The following MMS22L variants were observed in gnomAD, a reference collection of about 807,000 sequenced individuals.
MMS22L encodes the protein MMS22 like, DNA repair protein.
In MMS22L, 74 loss-of-function variants were observed where a neutral mutation model predicts 159.1. That is an observed-to-expected ratio of 0.47 (90% CI 0.39 to 0.56). The LOEUF is 0.56. MMS22L is among the 20% of genes least tolerant of loss of function. The probability of loss-of-function intolerance (pLI) is 0.00; values close to 1 mark genes in which losing one functional copy is unlikely to be tolerated. For missense variants in MMS22L, 1,351 were observed against 1,422.1 expected, an observed-to-expected ratio of 0.95 and a Z score of 0.80; for synonymous variants, 517 against 506.9, an observed-to-expected ratio of 1.02 and a Z score of -0.27.
At chr6:97,259,111 T>A (rs1425656960) in intron 9 of MMS22L, 1 of 152,216 alleles carries the variant, frequency 6.6e-6, no homozygotes, top group African/African-American at 2.4e-5. Context: ...AACACATATA[T>A]ATACACACAC....
chr6:97,151,906 ATTG>A, intron 22 of MMS22L, 39 bp from the exon 23 acceptor site: 1 of 1,497,728 alleles, frequency 6.7e-7, no homozygotes, highest in Non-Finnish European at 9.3e-7. Flanking sequence ...CTGTGTCTGA[ATTG>A]ACCATCTGGA....
chr6:97,230,837 G>A (rs1810784047), intron 13 of MMS22L: 1 of 152,546 alleles, frequency 6.6e-6, no homozygotes, highest in South Asian at 2.1e-4. Context: ...GACTCAAACA[G>A]GAATTTCATT....
At chr6:97,179,208 T>C (rs539170183) in intron 17 of MMS22L, among the ~76,000 whole-genome samples, 200 bp downstream of exon 17, 1 of 152,238 alleles carries the variant, frequency 6.6e-6, no homozygotes, top group Admixed American at 6.5e-5. Flanking sequence ...AAGTTTGTCA[T>C]ATATAGTAAC....
chr6:97,185,029 T>A (rs1480959319), intron 15 of MMS22L, among the ~76,000 whole-genome samples: 3 of 152,184 alleles, frequency 2.0e-5, no homozygotes, highest in African/African-American at 7.2e-5. Context: ...GACATGTTCT[T>A]GCCTTCAGAC....
At chr6:97,258,447 T>C (rs1814069775) in intron 9 of MMS22L, among the ~76,000 whole-genome samples, 2 of 152,204 alleles carry the variant, frequency 1.3e-5, no homozygotes, top group Admixed American at 6.5e-5. Flanking sequence ...GTGTATATTG[T>C]TACTCAGTAT....
intron 9 of MMS22L, among the ~76,000 whole-genome samples, chr6:97,255,776 T>G (rs901758994): frequency 3.6e-5 from 3 of 83,042 alleles, no homozygotes; most frequent in African/African-American, 1.0e-4. Context: ...TATTTCTCCT[T>G]GAAAATCTGT....
At chr6:97,259,871 G>C (rs546240603) in intron 9 of MMS22L, 49 of 152,034 alleles carry the variant, frequency 3.2e-4, no homozygotes, top group African/African-American at 1.2e-3. Flanking sequence ...ATAAATAAAC[G>C]TATGCATATG....
chr6:97,238,572 CGT>C (rs71740630), intron 11 of MMS22L, among the ~76,000 whole-genome samples: 33,342 of 91,130 alleles, frequency 0.37, 4,506 homozygotes, highest in East Asian at 0.76. Flanking sequence ...TGTCTCATCT[CGT>C]GTGTGTGTGT....
chr6:97,186,449 A>T, intron 15 of MMS22L, 48 bp downstream of exon 15: 3 of 1,528,110 alleles, frequency 2.0e-6, no homozygotes, highest in Non-Finnish European at 1.8e-6. Context: ...AAATACTGAC[A>T]AAGAGTCTGC....
At position 97,272,782 on chromosome 6, in the gene MMS22L, T is replaced by C. The variant is rs755378997; in HGVS notation, c.528A>G (p.Gly176=). Residue 176 remains glycine (G), a synonymous_variant, in exon 6 of 25, where the codon GGA becomes GGG. Transcript: ENST00000683635. ...ATAGGTGTCCAATATACAAGAGTAA[T>C]CCATGAAGCTCATCAATCAACACTG... ...LPSVLIDELH[G]LLLYIGHLSE... 1.2e-6 allele frequency: 2 copies of C among 1,614,028 alleles called. No homozygotes were observed. Among genetic ancestry groups the C allele is most frequent in the Non-Finnish European group, 1.7e-6 (2 of 1,179,940 alleles).
intron 14 of MMS22L, among the ~76,000 whole-genome samples, chr6:97,220,798 C>G (rs1809546955): frequency 1.3e-5 from 2 of 152,054 alleles, no homozygotes; most frequent in Non-Finnish European, 2.9e-5. Context: ...GGGTCCACTG[C>G]AGTGAGGCAA....
At chr6:97,218,467 T>C (rs1413091715) in intron 14 of MMS22L, among the ~76,000 whole-genome samples, 2 of 152,182 alleles carry the variant, frequency 1.3e-5, no homozygotes, top group Non-Finnish European at 2.9e-5. Context: ...ACCATCTTAG[T>C]CTTTCATGTA....
In MMS22L at chr6:97,260,877, G is replaced by A. The variant is rs1814395362; in HGVS notation, c.942+2458C>T. The A allele has an allele frequency of 1.3e-5, 2 of 151,642 alleles. 1 individual carries two copies. The highest frequency in any genetic ancestry group is 4.2e-4 in the South Asian group (2 of 4,806). The allele number at this position is 151,642 out of a possible 1,614,324, so 9.4% of individuals were successfully genotyped here. ...CTTCTTTTTTTTTGGTGGTGGGAGA[G>A]GGTATGAGTCCTTTGATTTATTCTT... is the stretch of plus-strand genomic sequence containing the variant. On this transcript the variant is annotated intron_variant, in intron 9 of 24. Transcript: ENST00000683635.
At chr6:97,167,602 T>C (rs1803094726) in intron 20 of MMS22L, among the ~76,000 whole-genome samples, 1 of 152,116 alleles carries the variant, frequency 6.6e-6, no homozygotes, top group Admixed American at 6.6e-5. Context: ...GGATGGAATA[T>C]AAAGCCCTCC....
At chr6:97,154,176 A>G (rs1040380542) in intron 22 of MMS22L, among the ~76,000 whole-genome samples, 2 of 152,112 alleles carry the variant, frequency 1.3e-5, no homozygotes, top group East Asian at 1.9e-4. Context: ...GTATGAAGTG[A>G]TATCTCGGGG....
At chr6:97,157,894 T>A (rs1226589383) in intron 22 of MMS22L, among the ~76,000 whole-genome samples, 1 of 152,112 alleles carries the variant, frequency 6.6e-6, no homozygotes, top group Non-Finnish European at 1.5e-5. Context: ...ACAAGGAATG[T>A]TTCCAGCTCC....
chr6:97,252,759 A>C (rs1460450215), intron 10 of MMS22L, among the ~76,000 whole-genome samples: 1 of 152,200 alleles, frequency 6.6e-6, no homozygotes, highest in Admixed American at 6.5e-5. Flanking sequence ...TGCCATACTT[A>C]CTTACATTGA....
At chr6:97,237,380 C>G (rs567752259) in intron 11 of MMS22L, among the ~76,000 whole-genome samples, 22 of 152,222 alleles carry the variant, frequency 1.4e-4, no homozygotes, top group South Asian at 8.3e-4. Flanking sequence ...TTTTTTTGGA[C>G]AAGGCCTTAA....
At chr6:97,256,242 G>A (rs893051513) in intron 9 of MMS22L, among the ~76,000 whole-genome samples, 2 of 152,000 alleles carry the variant, frequency 1.3e-5, no homozygotes, top group African/African-American at 4.8e-5. Flanking sequence ...ACATCCAAAT[G>A]TCTTGGTAAA....
Sources: allele counts gnomAD v4.1 joint callset (sites outside exome capture counted in the v4.1 genomes callset), GRCh38; gene constraint gnomAD v4.1.1; transcripts MANE v1.5; gene names NCBI Gene and HGNC (gene_info 2026-07-23, HGNC 2026-07-21).